ODR4: variants seen among roughly 807,000 people sequenced by gnomAD.
The protein encoded by ODR4 is protein odr-4 homolog.
A neutral mutation model predicts 60.2 loss-of-function variants in ODR4; 47 were observed. That is an observed-to-expected ratio of 0.78 (90% confidence interval 0.62 to 1.00). ODR4 has a LOEUF of 1.00. ODR4 is among the 50% of genes least tolerant of loss of function. The pLI is 0.00. For synonymous variants in ODR4, 178 were observed against 175.5 expected, an observed-to-expected ratio of 1.01 and a Z score of -0.11; for missense variants, 488 against 530.8, an observed-to-expected ratio of 0.92 and a Z score of 0.79.
intron 1 of ODR4, among the ~76,000 whole-genome samples, chr1:186,376,834 G>T (rs558791782): frequency 5.3e-5 from 8 of 152,274 alleles, no homozygotes; most frequent in Non-Finnish European, 1.2e-4. Flanking sequence ...CCTAAAATTA[G>T]ATAGGTTTTC....
At chr1:186,398,169 A>T in intron 9 of ODR4, 144 bp from the exon 10 acceptor site, 2 of 612,016 alleles carry the variant, frequency 3.3e-6, no homozygotes, top group Non-Finnish European at 2.5e-6. Flanking sequence ...GAAGGCCTTT[A>T]AATAATTTGC....
chr1:186,403,059 A>G (rs1422533461), intron 11 of ODR4, among the ~76,000 whole-genome samples: 2 of 152,180 alleles, frequency 1.3e-5, no homozygotes, highest in African/African-American at 4.8e-5. Context: ...TTGTCTTTAA[A>G]ATGCCTTAAC....
intron 11 of ODR4, among the ~76,000 whole-genome samples, chr1:186,402,187 A>ATTTCTTTCTTTCT (rs369476087): frequency 1.9e-4 from 26 of 135,528 alleles, no homozygotes; most frequent in African/African-American, 6.0e-4. Context: ...TAGGCATCCT[A>ATTTCTTTCTTTCT]TTCTTTCTTT....
chr1:186,426,103 C>G (rs1283659556), downstream of ODR4, among the ~76,000 whole-genome samples: 1 of 152,070 alleles, frequency 6.6e-6, no homozygotes, highest in East Asian at 1.9e-4. Flanking sequence ...AAAGTGTTGC[C>G]TTTCTGTTTT....
In ODR4 at chr1:186,398,934, TTG is replaced by T; in HGVS notation, c.910-14_910-13del. 1 of 1,532,452 alleles carries T rather than the reference TTG, an allele frequency of 6.5e-7. No individual in the cohort carries two copies. The highest frequency in any genetic ancestry group is 8.9e-7 in the Non-Finnish European group (1 of 1,124,440). The allele number at this position is 1,532,452 out of a possible 1,614,324, so 94.9% of individuals were successfully genotyped here. A position where few individuals can be genotyped will look rare whatever the true frequency, so the allele number is the denominator to read the frequency against. On this transcript the variant is annotated intron_variant, in intron 10 of 13. Coordinates refer to ENST00000287859, the MANE Select transcript of ODR4 (RefSeq NM_017847.6). ...AGTATTTTATTTCTTACTGTGTTTT[TTG>T]TGTGTTTTTCCCTGTAGGCAGTAAA...
chr1:186,416,855 C>CAAA (rs71104859), intron 12 of ODR4, among the ~76,000 whole-genome samples: 9 of 85,648 alleles, frequency 1.1e-4, no homozygotes, highest in Admixed American at 4.2e-4. Context: ...GATTCTGTCT[C>CAAA]AAAAAAAAAA....
chr1:186,417,689 C>T (rs779324322), intron 13 of ODR4, 35 bp downstream of exon 13: 2 of 1,095,588 alleles, frequency 1.8e-6, no homozygotes, highest in South Asian at 1.4e-5. Flanking sequence ...ACACTGAAAA[C>T]ATATTTAGAT....
intron 8 of ODR4, among the ~76,000 whole-genome samples, chr1:186,393,263 TACTCATGA>T (rs1345084842): frequency 6.6e-6 from 1 of 152,204 alleles, no homozygotes; most frequent in Non-Finnish European, 1.5e-5. Flanking sequence ...TCTGCACATG[TACTCATGA>T]ACTTAAAAGT....
intron 12 of ODR4, among the ~76,000 whole-genome samples, chr1:186,410,922 G>T (rs1273135591): frequency 2.0e-5 from 3 of 152,010 alleles, no homozygotes; most frequent in Non-Finnish European, 4.4e-5. Context: ...GGTGGAGGCA[G>T]GTGAATCACT....
intron 12 of ODR4, among the ~76,000 whole-genome samples, chr1:186,406,877 C>A (rs536587181): frequency 2.0e-5 from 3 of 151,876 alleles, no homozygotes; most frequent in Admixed American, 1.3e-4. Context: ...TTTTTGCTTT[C>A]TTTTTGTTTC....
chr1:186,410,123 T>C (rs1466442855), intron 12 of ODR4, among the ~76,000 whole-genome samples: 2 of 152,226 alleles, frequency 1.3e-5, no homozygotes, highest in South Asian at 2.1e-4. Context: ...GATTCATAAA[T>C]ACTGAATAAG....
At chr1:186,393,892 CTTTTATG>C (rs1660565085) in intron 8 of ODR4, 48 bp from the exon 9 acceptor site, 1 of 937,090 alleles carries the variant, frequency 1.1e-6, no homozygotes, top group African/African-American at 1.7e-5. Context: ...TATAAGTTGT[CTTTTATG>C]TTTTACAGGC....
intron 11 of ODR4, chr1:186,401,486 C>CTG: frequency 5.4e-6 from 1 of 185,006 alleles, no homozygotes; most frequent in South Asian, 1.1e-4. Context: ...CTTTCTTTCT[C>CTG]TCTTTCTTTC....
In ODR4 at chr1:186,415,785, G is replaced by A. The variant is rs116244949; in HGVS notation, c.1187-1759G>A. On this transcript the variant is annotated intron_variant, in intron 12 of 13. Coordinates refer to ENST00000287859, the MANE Select transcript of ODR4 (RefSeq NM_017847.6). ...CTTTCATTCAGCATTAAATAAATTCGGATAGGCCAACCTGCATAAATTGCT... is the reference window on the plus strand; with the variant it reads ...CTTTCATTCAGCATTAAATAAATTCAGATAGGCCAACCTGCATAAATTGCT... Among the ~76,000 whole-genome samples, 798 of 152,310 alleles carry A rather than the reference G, an allele frequency of 5.2e-3. 4 individuals are homozygous for A. The highest frequency in any genetic ancestry group is 9.3e-3 in the Non-Finnish European group (632 of 68,022).
rs113483004 is a variant in ODR4 at position 186,406,987 on chromosome 1, A to G, written c.1186+719A>G. Reference sequence around the variant, plus strand: ...TGCATAGTTAATTCTCCCTTCAGGAATAGGGTGTTTGATTCAGAGTGTGCT... The same window carrying G: ...TGCATAGTTAATTCTCCCTTCAGGAGTAGGGTGTTTGATTCAGAGTGTGCT... On this transcript the variant is annotated intron_variant, in intron 12 of 13. Coordinates refer to ENST00000287859, the MANE Select transcript of ODR4 (RefSeq NM_017847.6). Among the ~76,000 whole-genome samples the G allele has an allele frequency of 7.0e-4, 106 of 152,302 alleles. 2 individuals are homozygous for G. Among genetic ancestry groups the G allele is most frequent in the African/African-American group, 2.4e-3 (99 of 41,574 alleles).
downstream of ODR4, among the ~76,000 whole-genome samples, chr1:186,423,160 G>A (rs919539970): frequency 6.6e-6 from 1 of 152,232 alleles, no homozygotes; most frequent in Admixed American, 6.5e-5. Context: ...ACCTGGCACA[G>A]GTCTTTCAAG....
Position 186,390,805 on chromosome 1 carries a change from C to T in ODR4, c.569C>T (p.Pro190Leu). The T allele has an allele frequency of 6.2e-7, 1 of 1,613,028 alleles. No homozygotes were observed. Among genetic ancestry groups the T allele is most frequent in the Non-Finnish European group, 8.5e-7 (1 of 1,179,262 alleles). The change falls in exon 7 of 14, where the codon CCA becomes CTA. Residue 190 changes from proline to leucine, a missense_variant. Coordinates refer to ENST00000287859, the MANE Select transcript of ODR4 (RefSeq NM_017847.6). ...ACAGTTCACATTAATATTCACATCC[C>T]ACTTTCTGCTACTTCTGTCAGCTAT... ...ECTVHINIHI[P>L]LSATSVSYTL...
At chr1:186,393,793 T>C (rs1660559699) in intron 8 of ODR4, among the ~76,000 whole-genome samples, 154 bp from the exon 9 acceptor site, 1 of 152,350 alleles carries the variant, frequency 6.6e-6, no homozygotes, top group East Asian at 1.9e-4. Context: ...TGATACAGAA[T>C]ACATAAAGTA....
rs1347300869 is a variant in ODR4, at chr1:186,398,367, G to A, written c.835G>A (p.Val279Ile). 1 of 1,611,260 alleles carries A rather than the reference G, an allele frequency of 6.2e-7. No homozygotes were observed. The highest frequency in any genetic ancestry group is 1.1e-5 in the South Asian group (1 of 90,744). ...TATVQICSGS[V>I]NLKGAVKCRA... is the part of the protein sequence containing the mutation. ...CACAGTCCAGATATGTAGCGGTTCTGTAAACCTTAAGGGTGCTGTGAAATG... is the reference window on the plus strand; with the variant it reads ...CACAGTCCAGATATGTAGCGGTTCTATAAACCTTAAGGGTGCTGTGAAATG... Residue 279 changes from valine to isoleucine, a missense_variant, in exon 10 of 14, where the codon GTA (valine) becomes ATA (isoleucine). Val to Ile is a conservative substitution (Grantham distance 29). Coordinates refer to ENST00000287859, the MANE Select transcript of ODR4 (RefSeq NM_017847.6).
Sources: gnomAD v4.1 joint callset for allele counts (sites outside exome capture counted in the v4.1 genomes callset) on GRCh38, gnomAD v4.1.1 for gene constraint, MANE v1.5 for transcripts, NCBI Gene and HGNC (gene_info 2026-07-23, HGNC 2026-07-21) for gene names.